The following ARHGEF18 variants were observed in gnomAD, a reference collection of about 807,000 sequenced individuals.
ARHGEF18 encodes the protein Rho/Rac guanine nucleotide exchange factor 18.
Under a neutral mutation model 155.7 loss-of-function variants are expected in ARHGEF18, and 93 were observed. The ratio of observed to expected loss-of-function variants is 0.60; its 90% confidence interval spans 0.50 to 0.71. The LOEUF is 0.71. ARHGEF18 is among the 30% of genes least tolerant of loss of function. The pLI is 0.00. For missense variants in ARHGEF18, 1,593 were observed against 1,816.1 expected (o/e 0.88, Z 2.23); for synonymous variants, 742 against 753.1 (o/e 0.99, Z 0.24).
At chr19:7,477,079 C>G (rs1016032485), downstream of ARHGEF18, 3 of 928,666 alleles carry the variant, frequency 3.2e-6, no homozygotes, top group African/African-American at 1.7e-5. Flanking sequence ...CTCCACCCAC[C>G]CTGCCCATGG....
chr19:7,450,266 C>T (rs1048019008), intron 15 of ARHGEF18, among the ~76,000 whole-genome samples: 1 of 144,788 alleles, frequency 6.9e-6, no homozygotes, highest in Non-Finnish European at 1.5e-5. Context: ...TGTCCATTTC[C>T]GAGATGTTAA....
chr19:7,461,082 C>T (rs1231818975), intron 20 of ARHGEF18, among the ~76,000 whole-genome samples: 8 of 151,600 alleles, frequency 5.3e-5, no homozygotes, highest in East Asian at 2.0e-4. Flanking sequence ...CCACCGCTCC[C>T]GGCCCTGTAT....
chr19:7,466,817 A>AAGTT (rs1976640630), intron 23 of ARHGEF18, 101 bp from the exon 24 acceptor site: 6 of 1,098,348 alleles, frequency 5.5e-6, no homozygotes, highest in African/African-American at 1.8e-5. Flanking sequence ...AAAAAAAAAA[A>AAGTT]AAAAAAAAAG....
chr19:7,362,997 T>C, intron 2 of ARHGEF18, 92 bp downstream of exon 2: 2 of 1,215,800 alleles, frequency 1.6e-6, no homozygotes, highest in Non-Finnish European at 2.1e-6. Context: ...CCAGGCACTT[T>C]GTGTACATTA....
rs1161530912 is a variant in ARHGEF18, at chr19:7,440,892, G to T, written c.1106+410G>T. ...CTGCAGCGGTGTCCGGGTAGAAAGT[G>T]ATGCTAGAAGCTGATATGTTTGTGG... On this transcript the variant is annotated intron_variant, in intron 11 of 28. Coordinates refer to ENST00000668164, the MANE Select transcript of ARHGEF18 (RefSeq NM_001367823.1). This position sits in a 1 kb window ranked among gnomAD's most constrained non-coding sequence, Gnocchi z 5.4. Among the ~76,000 whole-genome samples, 1 of 152,132 alleles carries T rather than the reference G, an allele frequency of 6.6e-6. No homozygotes were observed. Among genetic ancestry groups the T allele is most frequent in the African/African-American group, 2.4e-5 (1 of 41,408 alleles).
At position 7,372,984 on chromosome 19, in the gene ARHGEF18, C is replaced by G. The variant is rs970029511; in HGVS notation, c.188C>G (p.Ser63Cys). The G allele has an allele frequency of 8.1e-7, 1 of 1,234,520 alleles. No individual in the cohort carries two copies. The highest frequency in any genetic ancestry group is 1.0e-6 in the Non-Finnish European group (1 of 988,254). 76.5% of individuals were successfully genotyped at this position (1,234,520 alleles called of 1,614,324 possible). A position where few individuals can be genotyped will look rare whatever the true frequency, so the allele number is the denominator to read the frequency against. The change falls in exon 3 of 29, where the codon TCT becomes TGT. Residue 63 changes from serine to cysteine, a missense_variant. Coordinates refer to ENST00000668164, the MANE Select transcript of ARHGEF18 (RefSeq NM_001367823.1). ...RPTGEEPGRD[S>C]LFSSLAGSQD... ...ACCGGTGAAGAACCAGGAAGAGATT[C>G]TCTTTTCTCCAGCTTGGCAGGGTCC...
chr19:7,451,093 G>T, intron 15 of ARHGEF18, 56 bp from the exon 16 acceptor site: 1 of 1,363,668 alleles, frequency 7.3e-7, no homozygotes, highest in Non-Finnish European at 9.8e-7. Flanking sequence ...GTTAATACAG[G>T]ATCTTGCTGT....
At chr19:7,391,415 C>G (rs1419511946) in intron 10 of ARHGEF18, among the ~76,000 whole-genome samples, 1 of 152,168 alleles carries the variant, frequency 6.6e-6, no homozygotes, top group African/African-American at 2.4e-5. Context: ...CCAGACAGTC[C>G]TGTTCCTGGC....
At chr19:7,381,911 C>T (rs1416345889) in intron 8 of ARHGEF18, among the ~76,000 whole-genome samples, 1 of 152,130 alleles carries the variant, frequency 6.6e-6, no homozygotes, top group African/African-American at 2.4e-5. Context: ...CCAGAAGCCA[C>T]TCGGACTGGG....
intron 10 of ARHGEF18, among the ~76,000 whole-genome samples, chr19:7,422,279 C>T (rs748349754): frequency 1.7e-4 from 26 of 151,962 alleles, no homozygotes; most frequent in Non-Finnish European, 2.4e-4. Context: ...ACGCATGCCC[C>T]GCCCAGCCTG....
At position 7,444,522 on chromosome 19, in the gene ARHGEF18, T is replaced by G. The variant is rs747685833; in HGVS notation, c.1611+68T>G. 4 of 1,572,584 alleles carry G rather than the reference T, an allele frequency of 2.5e-6. No individual in the cohort carries two copies. In the African/African-American group the frequency reaches 5.4e-5, roughly 21 times the overall value. On this transcript the variant is annotated intron_variant, in intron 14 of 28. Transcript: ENST00000668164. The surrounding 1 kb of genome is among the most constrained non-coding windows in gnomAD (Gnocchi z 4.7). ...GCCTTGTCTCTGTTCCTTTCTTCTTTTTTTCTGAGATAGGGTCTTGCCGTG... is the reference window on the plus strand; with the variant it reads ...GCCTTGTCTCTGTTCCTTTCTTCTTGTTTTCTGAGATAGGGTCTTGCCGTG...
intron 3 of ARHGEF18, among the ~76,000 whole-genome samples, chr19:7,375,254 A>G (rs1179650454): frequency 3.5e-5 from 5 of 144,238 alleles, no homozygotes; most frequent in Non-Finnish European, 1.5e-5. Flanking sequence ...CCTGGGTGAC[A>G]GAGTGAGACT....
Position 7,365,652 on chromosome 19 carries a change from C to G in ARHGEF18, c.15+2747C>G, listed in dbSNP as rs1415875871. 2.0e-5 allele frequency among the ~76,000 whole-genome samples: 3 copies of G among 152,168 alleles called. No individual in the cohort carries two copies. In the South Asian group the frequency reaches 6.2e-4, roughly 32 times the overall value. ...GTGAGTAGGCAGCAAGGCTGTGCCC[C>G]CACCCGCTGGCAAATCTGCCCCCTC... On this transcript the variant is annotated intron_variant, in intron 2 of 28. Transcript: ENST00000668164.
chr19:7,470,187 C>G lies in ARHGEF18; in HGVS notation c.3975C>G (p.Leu1325=), dbSNP rs1460714135. The change falls in exon 29 of 29, where the codon CTC becomes CTG. Residue 1325 remains leucine, a synonymous_variant. Coordinates refer to ENST00000668164, the MANE Select transcript of ARHGEF18 (RefSeq NM_001367823.1). This position sits in a 1 kb window ranked among gnomAD's most constrained non-coding sequence, Gnocchi z 5.9. The stretch of plus-strand genomic sequence containing the variant: ...ACAGCCCCTCCGAGGGCTTCTCTCT[C>G]AAGGCCGGGGGCACAGCCCTCCTGC... ...PADSPSEGFS[L]KAGGTALLPG... is the part of the protein sequence containing the mutation. The G allele has an allele frequency of 5.5e-5, 88 of 1,612,080 alleles. No individual in the cohort carries two copies. The highest frequency in any genetic ancestry group is 1.6e-4 in the Middle Eastern group (1 of 6,076).
At chr19:7,371,744 C>G (rs1705176802) in intron 2 of ARHGEF18, among the ~76,000 whole-genome samples, 2 of 151,962 alleles carry the variant, frequency 1.3e-5, no homozygotes, top group African/African-American at 4.8e-5. Context: ...TCACTTGAAC[C>G]CGGGAGGTGA....
In ARHGEF18 at chr19:7,470,788, C is replaced by T. The variant is rs577928282; in HGVS notation, c.*490C>T. On this transcript the variant is annotated 3_prime_UTR_variant, in exon 29 of 29. Transcript: ENST00000668164. The surrounding 1 kb of genome is among the most constrained non-coding windows in gnomAD (Gnocchi z 5.9). The stretch of plus-strand genomic sequence containing the variant: ...TAGGGCACCAGGAGGGGCCAGGTGG[C>T]GTCGGCAGCATCTGTCCCCAGAATC... The T allele has an allele frequency of 1.1e-4, 46 of 400,986 alleles. No individual in the cohort carries two copies. Among genetic ancestry groups the T allele is most frequent in the Non-Finnish European group, 1.9e-4 (42 of 226,188 alleles). The allele number at this position is 400,986 out of a possible 1,614,324, so 24.8% of individuals were successfully genotyped here. A position where few individuals can be genotyped will look rare whatever the true frequency, so the allele number is the denominator to read the frequency against.
In ARHGEF18 at chr19:7,440,497, C is replaced by T; in HGVS notation, c.1106+15C>T. On this transcript the variant is annotated intron_variant, in intron 11 of 28. Coordinates refer to ENST00000668164, the MANE Select transcript of ARHGEF18 (RefSeq NM_001367823.1). The surrounding 1 kb of genome is among the most constrained non-coding windows in gnomAD (Gnocchi z 5.4). ...ACGCAACTCGGGTAAGCCAGGGTCC[C>T]CTCTGTGCCCTCGGGTGGGTGGTGG... 1 of 1,584,658 alleles carries T rather than the reference C, an allele frequency of 6.3e-7. No homozygotes were observed. The highest frequency in any genetic ancestry group is 8.5e-7 in the Non-Finnish European group (1 of 1,170,842).
rs540390657 is a variant in ARHGEF18 at position 7,354,024 on chromosome 19, G to T, written c.-111+4783G>T. Among the ~76,000 whole-genome samples, 3 of 151,906 alleles carry T rather than the reference G, an allele frequency of 2.0e-5. No homozygotes were observed. In the South Asian group the frequency reaches 6.2e-4, roughly 32 times the overall value. On this transcript the variant is annotated intron_variant, in intron 1 of 28. Transcript: ENST00000668164. ...TATCCCTGTTGTATTTTTAAAGTGAGATTTGGCTGGGTGCCATGGCTCACG... is the reference window on the plus strand; with the variant it reads ...TATCCCTGTTGTATTTTTAAAGTGATATTTGGCTGGGTGCCATGGCTCACG...
Position 7,456,346 on chromosome 19 carries a change from G to A in ARHGEF18, c.2124G>A (p.Leu708=). Residue 708 remains leucine (L), a synonymous_variant, in exon 18 of 29, where the codon CTG becomes CTA. Transcript: ENST00000668164. ...TCCCAGATATCCTGGCTATCCTGCTGACCGACGTACTTTTGCTGCTACAAG... is the reference window on the plus strand; with the variant it reads ...TCCCAGATATCCTGGCTATCCTGCTAACCGACGTACTTTTGCTGCTACAAG... ...GRLKDILAIL[L]TDVLLLLQEK... is the part of the protein sequence containing the mutation. 2 of 1,614,148 alleles carry A rather than the reference G, an allele frequency of 1.2e-6. No homozygotes were observed. Among genetic ancestry groups the A allele is most frequent in the Non-Finnish European group, 1.7e-6 (2 of 1,180,014 alleles).
Sources: gnomAD v4.1 joint callset for allele counts (sites outside exome capture counted in the v4.1 genomes callset) on GRCh38, gnomAD v4.1.1 for gene constraint, Gnocchi (gnomAD v3.1) non-coding constraint, MANE v1.5 for transcripts, NCBI Gene and HGNC (gene_info 2026-07-23, HGNC 2026-07-21) for gene names.